Variants in PTPRQ observed in about 807,000 individuals in gnomAD.
PTPRQ encodes the protein phosphatidylinositol phosphatase PTPRQ.
Under a neutral mutation model 246.0 loss-of-function variants are expected in PTPRQ, and 199 were observed. The observed-to-expected ratio is 0.81, with a 90% CI of 0.72 to 0.91. PTPRQ has a LOEUF of 0.91. Among genes scored for constraint, PTPRQ ranks in the 40% least tolerant of loss-of-function variants. PTPRQ has a pLI of 0.00. For synonymous variants in PTPRQ, 869 were observed against 853.2 expected, an observed-to-expected ratio of 1.02 and a Z score of -0.32; for missense variants, 2,624 against 2,528.4, an observed-to-expected ratio of 1.04 and a Z score of -0.81.
chr12:80,542,655 A>G, intron 22 of PTPRQ, 75 bp from the exon 23 acceptor site: 1 of 1,453,108 alleles, frequency 6.9e-7, no homozygotes, highest in Non-Finnish European at 9.1e-7. Context: ...TAGTGTCTTC[A>G]AGAAAGTAAG....
rs979794113 is a variant in PTPRQ at position 80,489,161 on chromosome 12, A to G, written c.1360-4114A>G. 4.6e-5 allele frequency among the ~76,000 whole-genome samples: 7 copies of G among 152,142 alleles called. No homozygotes were observed. The East Asian group carries it at 5.8e-4, about 13-fold the overall frequency. ...GAAACCCATAGATGAATAAGAAACT[A>G]CGGTGTTCTTTACTTTGAACTGAAA... On this transcript the variant is annotated intron_variant, in intron 9 of 44. Coordinates refer to ENST00000644991, the MANE Select transcript of PTPRQ (RefSeq NM_001145026.2).
At chr12:80,614,766 CCA>C (rs1224593418) in intron 29 of PTPRQ, among the ~76,000 whole-genome samples, 1 of 148,864 alleles carries the variant, frequency 6.7e-6, no homozygotes. Context: ...AAATCTGAGC[CCA>C]GTTTTCTTAT....
chr12:80,630,482 G>C (rs1452839796), intron 33 of PTPRQ, among the ~76,000 whole-genome samples: 1 of 152,074 alleles, frequency 6.6e-6, no homozygotes, highest in African/African-American at 2.4e-5. Context: ...AGGAAGTGTA[G>C]AATATCTGAT....
intron 23 of PTPRQ, among the ~76,000 whole-genome samples, chr12:80,544,028 A>G (rs1181806263): frequency 6.6e-6 from 1 of 152,032 alleles, no homozygotes; most frequent in Admixed American, 6.6e-5. Context: ...CGTGTGTTAG[A>G]GTGTGGTTGT....
At chr12:80,529,893 A>G (rs772439150) in intron 17 of PTPRQ, among the ~76,000 whole-genome samples, 1 of 152,178 alleles carries the variant, frequency 6.6e-6, no homozygotes, top group African/African-American at 2.4e-5. Context: ...AAGTAAAATC[A>G]TTTTACTGAG....
At position 80,496,414 on chromosome 12, in the gene PTPRQ, A is replaced by C; in HGVS notation, c.2155A>C (p.Ile719Leu). The C allele has an allele frequency of 3.2e-6, 5 of 1,550,848 alleles. No homozygotes were observed. Among genetic ancestry groups the C allele is most frequent in the Non-Finnish European group, 4.4e-6 (5 of 1,146,458 alleles). ...LYMKNTSTTDIILRNLRPHTL... is the reference protein window; with the variant it reads ...LYMKNTSTTDLILRNLRPHTL... ...TATGAAGAACACATCAACAACAGAC[A>C]TAATATTAAGGAACTTAAGACCTCA... Residue 719 changes from isoleucine (I) to leucine (L), a missense_variant, in exon 14 of 45, where the codon ATA becomes CTA. By Grantham distance (5) the Ile-to-Leu change is conservative (BLOSUM62 2). Transcript: ENST00000644991.
At chr12:80,581,489 G>T (rs1425716377) in intron 25 of PTPRQ, among the ~76,000 whole-genome samples, 11 of 152,102 alleles carry the variant, frequency 7.2e-5, no homozygotes, top group Admixed American at 6.5e-5. Context: ...TACGAAATTA[G>T]TTGGGTGTGA....
At position 80,608,716 on chromosome 12, in the gene PTPRQ, C is replaced by T. The variant is rs183434269; in HGVS notation, c.4732-1723C>T. ...CTACTAAGTAACCCTGAGGAAGTCA[C>T]CTTACCTCTATAAAATCAGAATTCA... On this transcript the variant is annotated intron_variant, in intron 27 of 44. Coordinates refer to ENST00000644991, the MANE Select transcript of PTPRQ (RefSeq NM_001145026.2). Among the ~76,000 whole-genome samples, 188 of 150,360 alleles carry T rather than the reference C, an allele frequency of 1.3e-3. 1 individual carries two copies. The highest frequency in any genetic ancestry group is 4.3e-3 in the African/African-American group (178 of 41,308).
chr12:80,535,175 C>A (rs1311383731), intron 19 of PTPRQ, 138 bp downstream of exon 19: 7 of 839,348 alleles, frequency 8.3e-6, no homozygotes, highest in Non-Finnish European at 1.2e-5. Context: ...CTCCCATTGA[C>A]ATAGAAAAAT....
At chr12:80,673,946 T>A (rs529808295) in intron 43 of PTPRQ, among the ~76,000 whole-genome samples, 100 of 152,268 alleles carry the variant, frequency 6.6e-4, no homozygotes, top group Middle Eastern at 3.4e-3. Flanking sequence ...ACCCTTCACA[T>A]GTATTATCTT....
At chr12:80,506,537 A>C (rs913170108) in intron 15 of PTPRQ, 32 bp from the exon 16 acceptor site, 6 of 1,434,674 alleles carry the variant, frequency 4.2e-6, no homozygotes, top group Non-Finnish European at 5.6e-6. Flanking sequence ...ATATTTTGTA[A>C]GTTTCAACTT....
At chr12:80,668,134 G>A (rs953926571) in intron 39 of PTPRQ, among the ~76,000 whole-genome samples, 1 of 151,840 alleles carries the variant, frequency 6.6e-6, no homozygotes, top group African/African-American at 2.4e-5. Context: ...ATTCCTTAAA[G>A]CATCTTCCTG....
intron 25 of PTPRQ, among the ~76,000 whole-genome samples, chr12:80,564,140 G>C (rs1896912542): frequency 6.6e-6 from 1 of 151,986 alleles, no homozygotes; most frequent in Non-Finnish European, 1.5e-5. Context: ...CGTGCACATT[G>C]TGCAGGTTAG....
At chr12:80,459,206 A>ATT in intron 4 of PTPRQ, 78 bp from the exon 5 acceptor site, 1 of 396,996 alleles carries the variant, frequency 2.5e-6, no homozygotes, top group Non-Finnish European at 4.4e-6. Context: ...ATTTAATTTC[A>ATT]TGTACCATGA....
intron 3 of PTPRQ, among the ~76,000 whole-genome samples, chr12:80,450,858 G>A (rs1435255204): frequency 8.6e-4 from 131 of 152,252 alleles, no homozygotes; most frequent in Non-Finnish European, 1.7e-3. Flanking sequence ...TTGTGTCTCT[G>A]CCTGGCTTTG....
At chr12:80,607,805 G>A (rs2121090985) in intron 27 of PTPRQ, among the ~76,000 whole-genome samples, 1 of 150,832 alleles carries the variant, frequency 6.6e-6, no homozygotes, top group African/African-American at 2.4e-5. Flanking sequence ...GATTCTGCTG[G>A]AAATTAATGC....
chr12:80,554,970 G>A (rs1020151768), intron 25 of PTPRQ, among the ~76,000 whole-genome samples: 4 of 151,830 alleles, frequency 2.6e-5, no homozygotes, highest in African/African-American at 9.7e-5. Context: ...CTGGAGTGAA[G>A]TGGCGCTATC....
chr12:80,540,684 T>C (rs941574751), intron 20 of PTPRQ, among the ~76,000 whole-genome samples: 1 of 152,128 alleles, frequency 6.6e-6, no homozygotes, highest in East Asian at 1.9e-4. Context: ...ATGCTTGATT[T>C]GTTGTTGGAA....
At chr12:80,665,076 G>A (rs927854256) in intron 39 of PTPRQ, among the ~76,000 whole-genome samples, 5 of 151,950 alleles carry the variant, frequency 3.3e-5, no homozygotes, top group Non-Finnish European at 7.4e-5. Flanking sequence ...GAGCAAGGAA[G>A]CCAGTCTAAG....
Sources: gnomAD v4.1 joint callset for allele counts (sites outside exome capture counted in the v4.1 genomes callset) on GRCh38, gnomAD v4.1.1 for gene constraint, MANE v1.5 for transcripts, NCBI Gene and HGNC (gene_info 2026-07-23, HGNC 2026-07-21) for gene names.